The following PLXNA2 variants were observed in gnomAD, a reference collection of about 807,000 sequenced individuals.
PLXNA2 encodes plexin-A2.
Under a neutral mutation model 193.5 loss-of-function variants are expected in PLXNA2, and 91 were observed. The observed-to-expected ratio is 0.47, with a 90% CI of 0.40 to 0.56. The LOEUF (loss-of-function observed/expected upper bound fraction) is 0.56. Ranked by LOEUF, PLXNA2 falls within the 20% of genes least tolerant of loss-of-function variation. The pLI, the probability that PLXNA2 is intolerant of heterozygous loss-of-function variation, is 0.00. For missense variants in PLXNA2, 1,995 were observed against 2,503.2 expected, an observed-to-expected ratio of 0.80 and a Z score of 4.33; for synonymous variants, 997 against 1,027.3, an observed-to-expected ratio of 0.97 and a Z score of 0.56.
chr1:208,052,661 G>A (rs1665302460), intron 14 of PLXNA2, among the ~76,000 whole-genome samples, 198 bp from the exon 15 acceptor site: 1 of 152,120 alleles, frequency 6.6e-6, no homozygotes, highest in African/African-American at 2.4e-5. Flanking sequence ...GCATGTCCGG[G>A]AAGGCAGAAG....
At chr1:208,108,561 G>A (rs1277639849) in intron 4 of PLXNA2, among the ~76,000 whole-genome samples, 1 of 152,198 alleles carries the variant, frequency 6.6e-6, no homozygotes, top group Non-Finnish European at 1.5e-5. Flanking sequence ...ACATGGTTCT[G>A]AGCTCTTCTA....
intron 9 of PLXNA2, among the ~76,000 whole-genome samples, chr1:208,086,851 G>T (rs938227649): frequency 6.6e-6 from 1 of 150,874 alleles, no homozygotes; most frequent in African/African-American, 2.4e-5. Flanking sequence ...CATAGAAAAG[G>T]AGATAACACT....
chr1:208,109,065 C>A (rs1033601993), intron 4 of PLXNA2, among the ~76,000 whole-genome samples: 1 of 152,212 alleles, frequency 6.6e-6, no homozygotes, highest in African/African-American at 2.4e-5. Flanking sequence ...GATGGTACAC[C>A]TGTCCTCACA....
Position 208,192,995 on chromosome 1 carries a change from C to T in PLXNA2, c.1371+17285G>A, listed in dbSNP as rs1670233877. Among the ~76,000 whole-genome samples, 3 of 151,654 alleles carry T rather than the reference C, an allele frequency of 2.0e-5. No individual in the cohort carries two copies. In the South Asian group the frequency reaches 6.2e-4, roughly 32 times the overall value. On this transcript the variant is annotated intron_variant, in intron 3 of 31. Transcript: ENST00000367033. ...TAATGTAAGCAATGGGCCCGCTACA[C>T]AAAAAACTAAATCTACAAATGTTTG...
intron 6 of PLXNA2, among the ~76,000 whole-genome samples, chr1:208,097,494 A>G (rs546811408): frequency 6.6e-6 from 1 of 152,324 alleles, no homozygotes; most frequent in East Asian, 1.9e-4. Flanking sequence ...TAAGGAGCTC[A>G]GGGGATCAGA....
At chr1:208,201,029 G>A (rs1294112673) in intron 3 of PLXNA2, among the ~76,000 whole-genome samples, 1 of 152,208 alleles carries the variant, frequency 6.6e-6, no homozygotes, top group East Asian at 1.9e-4. Flanking sequence ...AATACTAGTA[G>A]GAGGAGTCAC....
At chr1:208,083,129 C>T (rs557204153) in intron 10 of PLXNA2, among the ~76,000 whole-genome samples, 54 of 152,316 alleles carry the variant, frequency 3.5e-4, no homozygotes, top group African/African-American at 9.9e-4. Flanking sequence ...TCTATTTCCG[C>T]ACGAGCCTTA....
intron 4 of PLXNA2, among the ~76,000 whole-genome samples, chr1:208,128,051 CGGG>C (rs1558206610): frequency 6.6e-6 from 1 of 152,082 alleles, no homozygotes; most frequent in Non-Finnish European, 1.5e-5. Flanking sequence ...GGGAGAGCTG[CGGG>C]GAGCCTGAGG....
rs777190675 is a variant in PLXNA2, at chr1:208,217,221, G to A, written c.702C>T (p.Ala234=). The A allele has an allele frequency of 1.9e-6, 3 of 1,614,180 alleles. No homozygotes were observed. Among genetic ancestry groups the A allele is most frequent in the East Asian group, 2.2e-5 (1 of 44,872 alleles). Residue 234 remains alanine (A), a synonymous_variant, in exon 2 of 32, where the codon GCC becomes GCT. Transcript: ENST00000367033. This position sits in a 1 kb window ranked among gnomAD's most constrained non-coding sequence, Gnocchi z 4.7. Reference sequence around the variant, plus strand: ...AGAAGATGTCAAAGTGGGAGACCAGGGCCAGGGTGTCTGAAGGGATCTTGA... The same window carrying A: ...AGAAGATGTCAAAGTGGGAGACCAGAGCCAGGGTGTCTGAAGGGATCTTGA... ...SLIKIPSDTL[A]LVSHFDIFYI...
intron 1 of PLXNA2, among the ~76,000 whole-genome samples, chr1:208,223,343 T>C (rs1239511171): frequency 1.3e-5 from 2 of 151,964 alleles, no homozygotes; most frequent in East Asian, 1.9e-4. Context: ...CCAGACCTCA[T>C]GACAAAAAGG....
rs772173163 is a variant in PLXNA2, at chr1:208,031,722, G to A, written c.5093C>T (p.Thr1698Ile). ...LQKFVDDLFE[T>I]LFSTVHRGSA... The stretch of plus-strand genomic sequence containing the variant: ...GCCCCGGTGCACAGTGCTGAACAAG[G>A]TCTCAAACAAGTCGTCCACAAACTT... Residue 1698 changes from threonine to isoleucine, a missense_variant, in exon 29 of 32, where the codon ACC becomes ATC. Physicochemically the swap from Thr to Ile is moderately conservative, Grantham distance 89 (BLOSUM62 -1). Coordinates refer to ENST00000367033, the MANE Select transcript of PLXNA2 (RefSeq NM_025179.4). 3.1e-6 allele frequency: 5 copies of A among 1,610,964 alleles called. No individual in the cohort carries two copies. The highest frequency in any genetic ancestry group is 3.3e-4 in the Middle Eastern group (2 of 6,048).
In PLXNA2 at chr1:208,076,205, C is replaced by T. The variant is rs575488796; in HGVS notation, c.2586+3055G>A. Among the ~76,000 whole-genome samples, 252 of 152,124 alleles carry T rather than the reference C, an allele frequency of 1.7e-3. 1 individual carries two copies. Among genetic ancestry groups the T allele is most frequent in the African/African-American group, 4.9e-3 (204 of 41,500 alleles). On this transcript the variant is annotated intron_variant, in intron 12 of 31. Transcript: ENST00000367033. ...ACCCCAGTCTCCCGAGTAGCTAGCACCACAGGCATGCACCACTACACCCAG... is the reference window on the plus strand; with the variant it reads ...ACCCCAGTCTCCCGAGTAGCTAGCATCACAGGCATGCACCACTACACCCAG...
intron 1 of PLXNA2, among the ~76,000 whole-genome samples, chr1:208,238,718 C>T (rs1048463760): frequency 8.6e-5 from 13 of 151,680 alleles, no homozygotes; most frequent in Admixed American, 4.6e-4. Flanking sequence ...GCATTCAGTT[C>T]CTGAAAGCTC....
chr1:208,167,320 G>A (rs963628739), intron 3 of PLXNA2, among the ~76,000 whole-genome samples: 16 of 152,138 alleles, frequency 1.1e-4, no homozygotes, highest in Non-Finnish European at 1.8e-4. Flanking sequence ...AAAGTGGGCC[G>A]CTAATGCATT....
At chr1:208,029,178 C>A in intron 29 of PLXNA2, 136 bp from the exon 30 acceptor site, 1 of 1,461,808 alleles carries the variant, frequency 6.8e-7, no homozygotes, top group Non-Finnish European at 9.0e-7. Flanking sequence ...AAAATGGGTC[C>A]AGCCAGGGTT....
At chr1:208,173,142 T>C (rs1485586604) in intron 3 of PLXNA2, among the ~76,000 whole-genome samples, 1 of 152,214 alleles carries the variant, frequency 6.6e-6, no homozygotes, top group East Asian at 1.9e-4. Context: ...ATTTGTAAAA[T>C]TTCCTTATTT....
chr1:208,199,338 C>T (rs181414674), intron 3 of PLXNA2, among the ~76,000 whole-genome samples: 3 of 152,168 alleles, frequency 2.0e-5, no homozygotes, highest in Non-Finnish European at 2.9e-5. Context: ...ATTTTAAGTT[C>T]GGCATAGGAA....
Position 208,051,439 on chromosome 1 carries a change from C to A in PLXNA2, c.2994-16G>T, listed in dbSNP as rs1665258729. On this transcript the variant is annotated splice_polypyrimidine_tract_variant and intron_variant, in intron 15 of 31. Coordinates refer to ENST00000367033, the MANE Select transcript of PLXNA2 (RefSeq NM_025179.4). ...CATTGACCTCCTGACAGGGAGACAG[C>A]AGGAGGGTTGAGAAGAAAGGCATGG... 2 of 1,603,246 alleles carry A rather than the reference C, an allele frequency of 1.2e-6. No individual in the cohort carries two copies. The highest frequency in any genetic ancestry group is 1.7e-6 in the Non-Finnish European group (2 of 1,176,816).
In PLXNA2 at chr1:208,084,524, C is replaced by A. The variant is rs1558183770; in HGVS notation, c.2154G>T (p.Lys718Asn). Reference sequence around the variant, plus strand: ...GATTTCGCGCCTTAAGGGTGATTGGCTTTACCTCCCCGACTGGAATCAAGA... The same window carrying A: ...GATTTCGCGCCTTAAGGGTGATTGGATTTACCTCCCCGACTGGAATCAAGA... Reference protein sequence around the residue: ...EEILIPVGEVKPITLKARNLP... With the variant: ...EEILIPVGEVNPITLKARNLP... The change falls in exon 10 of 32, where the codon AAG becomes AAT. Residue 718 changes from lysine to asparagine, a missense_variant. Around this residue, in one of 3 missense-constraint regions of PLXNA2, gnomAD observed 1,291 missense variants for 1,673.6 expected, o/e 0.77. Transcript: ENST00000367033. 6.2e-7 allele frequency: 1 copy of A among 1,614,242 alleles called. No individual in the cohort carries two copies. Among genetic ancestry groups the A allele is most frequent in the East Asian group, 2.2e-5 (1 of 44,890 alleles).
Sources: allele counts gnomAD v4.1 joint callset (sites outside exome capture counted in the v4.1 genomes callset), GRCh38; gene constraint gnomAD v4.1.1; regional missense constraint gnomAD v4.1.1; non-coding constraint Gnocchi (gnomAD v3.1); transcripts MANE v1.5; gene names NCBI Gene and HGNC (gene_info 2026-07-23, HGNC 2026-07-21).